The following PTCH1 variants were observed in gnomAD, a reference collection of about 807,000 sequenced individuals.
The protein encoded by PTCH1 is patched 1, also known as protein patched homolog 1.
PTCH1 carries 14 observed loss-of-function variants against 144.6 expected under a neutral mutation model. The observed-to-expected ratio is 0.10, with a 90% confidence interval of 0.06 to 0.15. PTCH1 has a LOEUF of 0.15. Ranked by LOEUF, PTCH1 falls within the 10% of genes least tolerant of loss-of-function variation. The probability of loss-of-function intolerance (pLI) is 1.00; values close to 1 mark genes in which losing one functional copy is unlikely to be tolerated. For missense variants in PTCH1, 1,623 were observed against 1,948.3 expected (o/e 0.83, Z 3.14); for synonymous variants, 833 against 793.6 (o/e 1.05, Z -0.83).
At chr9:95,459,860 G>T in intron 16 of PTCH1, 77 bp from the exon 17 acceptor site, 1 of 1,469,146 alleles carries the variant, frequency 6.8e-7, no homozygotes, top group Non-Finnish European at 9.4e-7. Flanking sequence ...GAGCACAGAA[G>T]CTGAGCTTCG....
chr9:95,514,621 GGTGTGTGTGT>G (rs3222829), intron 1 of PTCH1: 5 of 148,564 alleles, frequency 3.4e-5, no homozygotes, highest in African/African-American at 5.0e-5. Flanking sequence ...GAAAATAAAA[GGTGTGTGTGT>G]GTGTGTGTGT....
chr9:95,478,196 C>A lies in PTCH1; in HGVS notation c.1216-10G>T, dbSNP rs587780691. 6.2e-7 allele frequency: 1 copy of A among 1,614,178 alleles called. No homozygotes were observed. Among genetic ancestry groups the A allele is most frequent in the Non-Finnish European group, 8.5e-7 (1 of 1,180,042 alleles). On this transcript the variant is annotated splice_polypyrimidine_tract_variant and intron_variant, in intron 8 of 23. Transcript: ENST00000331920. Reference sequence around the variant, plus strand: ...CACTCTGATGAACCACCTGTGGTCACAACAGAATGCGAAATGCCCAAATGC... The same window carrying A: ...CACTCTGATGAACCACCTGTGGTCAAAACAGAATGCGAAATGCCCAAATGC...
At chr9:95,454,703 T>A (rs945285562) in intron 19 of PTCH1, among the ~76,000 whole-genome samples, 1 of 152,248 alleles carries the variant, frequency 6.6e-6, no homozygotes, top group African/African-American at 2.4e-5. Flanking sequence ...AGACAGCAAA[T>A]GAACGGGAAC....
chr9:95,458,343 C>A lies in PTCH1; in HGVS notation c.2888-50G>T. 1.3e-6 allele frequency: 2 copies of A among 1,593,404 alleles called. No homozygotes were observed. The highest frequency in any genetic ancestry group is 1.7e-6 in the Non-Finnish European group (2 of 1,168,414). On this transcript the variant is annotated intron_variant, in intron 17 of 23. Transcript: ENST00000331920. The surrounding 1 kb of genome is among the most constrained non-coding windows in gnomAD (Gnocchi z 4.7). ...GGAGCAGCCCAGGGTAGAAGAGCAT[C>A]ACAGTTTCAATGGAAAGAGAGAAGA...
upstream of PTCH1, among the ~76,000 whole-genome samples, chr9:95,512,146 T>C (rs1844188738): frequency 6.6e-6 from 1 of 152,230 alleles, no homozygotes; most frequent in South Asian, 2.1e-4. Context: ...ATGCACGTCA[T>C]TTCAGTGGCA....
At chr9:95,486,666 G>A (rs1032609139) in intron 2 of PTCH1, among the ~76,000 whole-genome samples, 1 of 152,264 alleles carries the variant, frequency 6.6e-6, no homozygotes, top group Non-Finnish European at 1.5e-5. Context: ...CACGGGGTAT[G>A]CCCAAAGCCA....
Position 95,508,011 on chromosome 9 carries a change from G to T in PTCH1, c.201+150C>A, listed in dbSNP as rs1162526577. 3.9e-6 allele frequency: 6 copies of T among 1,524,908 alleles called. No homozygotes were observed. In the East Asian group the frequency reaches 9.9e-5, roughly 25 times the overall value. The allele number at this position is 1,524,908 out of a possible 1,614,324, so 94.5% of individuals were successfully genotyped here. On this transcript the variant is annotated intron_variant, in intron 1 of 23. Transcript: ENST00000331920. ...GGTTTGAATTTTTCAATCCCCATTT[G>T]TCTGCTGCTTTTCCTGGAGAGGTGT...
rs2136689658 is a variant in PTCH1, at chr9:95,461,982, A to G, written c.2577T>C (p.Phe859=). 7 of 1,614,230 alleles carry G rather than the reference A, an allele frequency of 4.3e-6. No homozygotes were observed. The highest frequency in any genetic ancestry group is 5.9e-6 in the Non-Finnish European group (7 of 1,180,036). The change falls in exon 16 of 24, where the codon TTT becomes TTC. Residue 859 remains phenylalanine (F), a synonymous_variant. Coordinates refer to ENST00000331920, the MANE Select transcript of PTCH1 (RefSeq NM_000264.5). ...RDWLQGLQDA[F]DSDWETGKIM... Reference sequence around the variant, plus strand: ...TTTTCCCGGTTTCCCAGTCACTGTCAAATGCATCCTGAAGTCCTAGAAATG... The same window carrying G: ...TTTTCCCGGTTTCCCAGTCACTGTCGAATGCATCCTGAAGTCCTAGAAATG...
In PTCH1 at chr9:95,446,048, T is replaced by C. The variant is rs1837855955; in HGVS notation, c.*345A>G. ...ATACAATATTTAAGCAGCAGCAACA[T>C]ATGCTGAAATTTAAGACTAATGAAG... On this transcript the variant is annotated 3_prime_UTR_variant, in exon 24 of 24. Transcript: ENST00000331920. 1.6e-5 allele frequency: 3 copies of C among 190,292 alleles called. No individual in the cohort carries two copies. The South Asian group carries it at 3.6e-4, about 23-fold the overall frequency. The allele number at this position is 190,292 out of a possible 1,614,324, so 11.8% of individuals were successfully genotyped here. A position where few individuals can be genotyped will look rare whatever the true frequency, so the allele number is the denominator to read the frequency against.
intron 2 of PTCH1, among the ~76,000 whole-genome samples, chr9:95,489,060 G>A (rs555552762): frequency 2.5e-4 from 38 of 152,270 alleles, no homozygotes; most frequent in African/African-American, 6.7e-4. Context: ...GTCATAAAGT[G>A]CACGACACTC....
At chr9:95,506,306 G>T (rs1391727096) in intron 2 of PTCH1, 101 bp downstream of exon 2, 3 of 1,369,760 alleles carry the variant, frequency 2.2e-6, no homozygotes, top group South Asian at 1.3e-5. Flanking sequence ...AGGGGGTTTC[G>T]CCGGCCGCAG....
At chr9:95,491,943 C>G (rs942930807) in intron 2 of PTCH1, among the ~76,000 whole-genome samples, 2 of 152,192 alleles carry the variant, frequency 1.3e-5, no homozygotes, top group African/African-American at 4.8e-5. Context: ...TTATTGAAAA[C>G]TAACGCATCG....
At chr9:95,483,995 A>G (rs1841776461) in intron 3 of PTCH1, 1 of 152,234 alleles carries the variant, frequency 6.6e-6, no homozygotes, top group Admixed American at 6.5e-5. Flanking sequence ...AATTAGTCTA[A>G]TTCCCAGTTT....
chr9:95,453,910 GT>G (rs1400722932), intron 19 of PTCH1, among the ~76,000 whole-genome samples: 2 of 152,142 alleles, frequency 1.3e-5, no homozygotes, highest in African/African-American at 4.8e-5. Flanking sequence ...TCACCCCGAA[GT>G]TTCCCCCCTC....
rs979095517 is a variant in PTCH1, at chr9:95,491,500, T to C, written c.395-5626A>G. On this transcript the variant is annotated intron_variant, in intron 2 of 23. Transcript: ENST00000331920. ...AGCGGAGCAAGTGTCAGTTCACCCA[T>C]GCCTTTGTCACAGAGCATTGTTTCA... Among the ~76,000 whole-genome samples, 73 of 152,194 alleles carry C rather than the reference T, an allele frequency of 4.8e-4. 1 individual carries two copies. The highest frequency in any genetic ancestry group is 1.3e-4 in the Non-Finnish European group (9 of 68,024).
chr9:95,508,052 T>G, intron 1 of PTCH1, 109 bp downstream of exon 1: 1 of 1,464,786 alleles, frequency 6.8e-7, no homozygotes, highest in East Asian at 2.4e-5. Flanking sequence ...AGTGTGTGTG[T>G]GTGTGTGAGA....
intron 12 of PTCH1, among the ~76,000 whole-genome samples, chr9:95,475,081 C>T (rs954757800): frequency 1.3e-5 from 2 of 152,170 alleles, no homozygotes; most frequent in Admixed American, 6.5e-5. Context: ...CTCAGGAAGA[C>T]CATGGCACAA....
upstream of PTCH1, among the ~76,000 whole-genome samples, chr9:95,511,214 C>T (rs1844141651): frequency 6.6e-6 from 1 of 151,150 alleles, no homozygotes; most frequent in South Asian, 2.1e-4. Flanking sequence ...GGCCCGTCCG[C>T]CGGCTCTCCC....
rs886038275 is a variant in PTCH1, at chr9:95,506,618, G to A, written c.202-19C>T. 5 of 1,584,144 alleles carry A rather than the reference G, an allele frequency of 3.2e-6. No homozygotes were observed. The highest frequency in any genetic ancestry group is 1.1e-5 in the South Asian group (1 of 88,348). On this transcript the variant is annotated intron_variant, in intron 1 of 23. Transcript: ENST00000331920. ...CCTTCCCCTGGGGACGAAGCAGAAG[G>A]GAGGAGTGAGCGCCGGGGAGTCGCG...
Sources: allele counts gnomAD v4.1 joint callset (sites outside exome capture counted in the v4.1 genomes callset), GRCh38; gene constraint gnomAD v4.1.1; non-coding constraint Gnocchi (gnomAD v3.1); transcripts MANE v1.5; gene names NCBI Gene and HGNC (gene_info 2026-07-23, HGNC 2026-07-21).